PTPRT: variants seen among roughly 807,000 people sequenced by gnomAD.
PTPRT encodes the protein protein tyrosine phosphatase receptor type T.
In PTPRT, 56 loss-of-function variants were observed where a neutral mutation model predicts 176.8. The ratio of observed to expected loss-of-function variants is 0.32; its 90% CI spans 0.26 to 0.40. PTPRT has a LOEUF of 0.40. PTPRT is among the 10% of genes least tolerant of loss of function. PTPRT has a pLI of 1.00. For synonymous variants in PTPRT, 783 were observed against 739.0 expected, an observed-to-expected ratio of 1.06 and a Z score of -0.96; for missense variants, 1,540 against 1,908.2, an observed-to-expected ratio of 0.81 and a Z score of 3.60.
intron 7 of PTPRT, among the ~76,000 whole-genome samples, chr20:42,476,861 G>A (rs767222498): frequency 6.6e-5 from 10 of 152,182 alleles, no homozygotes; most frequent in Non-Finnish European, 1.2e-4. Flanking sequence ...CCACATGGCC[G>A]AGCCCCCATT....
chr20:43,178,991 C>T (rs952049558), intron 1 of PTPRT, among the ~76,000 whole-genome samples: 1 of 152,280 alleles, frequency 6.6e-6, no homozygotes, highest in South Asian at 2.1e-4. Flanking sequence ...ACAGATACTG[C>T]CTAGACAAGA....
chr20:42,517,282 G>T (rs1006254082), intron 7 of PTPRT, among the ~76,000 whole-genome samples: 3 of 151,426 alleles, frequency 2.0e-5, no homozygotes, highest in African/African-American at 7.3e-5. Context: ...ACTCATTTCA[G>T]GTTAATTCTT....
At chr20:42,449,164 C>G (rs2070783409) in intron 8 of PTPRT, among the ~76,000 whole-genome samples, 1 of 152,172 alleles carries the variant, frequency 6.6e-6, no homozygotes, top group African/African-American at 2.4e-5. Context: ...AAGAAGCTCG[C>G]CTTGCTCCAA....
At chr20:42,618,601 T>C (rs2074126672) in intron 7 of PTPRT, among the ~76,000 whole-genome samples, 1 of 128,790 alleles carries the variant, frequency 7.8e-6, no homozygotes, top group Admixed American at 7.4e-5. Context: ...CACTCAGGAC[T>C]TGCTTTATGA....
intron 5 of PTPRT, 57 bp from the exon 6 acceptor site, chr20:42,756,693 T>C: frequency 5.6e-6 from 8 of 1,426,080 alleles, no homozygotes; most frequent in Non-Finnish European, 7.6e-6. Context: ...GGCTTCTAGG[T>C]GACTCCCAAC....
chr20:42,481,777 AACACACACACAC>A (rs11468323), intron 7 of PTPRT, among the ~76,000 whole-genome samples: 7 of 144,596 alleles, frequency 4.8e-5, no homozygotes, highest in African/African-American at 1.5e-4. Context: ...TACACACACA[AACACACACACAC>A]ACACACACAC....
At chr20:43,153,733 T>C (rs2014434542) in intron 1 of PTPRT, among the ~76,000 whole-genome samples, 1 of 152,316 alleles carries the variant, frequency 6.6e-6, no homozygotes, top group South Asian at 2.1e-4. Context: ...TGGTTCTGTT[T>C]ATGGGAGGAG....
At chr20:42,940,269 G>C (rs1173595826) in intron 1 of PTPRT, among the ~76,000 whole-genome samples, 3 of 152,144 alleles carry the variant, frequency 2.0e-5, no homozygotes, top group African/African-American at 7.2e-5. Context: ...ATACTTTACT[G>C]GCTCTGGACC....
intron 5 of PTPRT, among the ~76,000 whole-genome samples, chr20:42,761,664 G>A (rs2076917605): frequency 6.6e-6 from 1 of 152,164 alleles, no homozygotes; most frequent in East Asian, 1.9e-4. Context: ...ATGGCTTTTA[G>A]TAGTACTTCT....
intron 1 of PTPRT, among the ~76,000 whole-genome samples, chr20:42,908,583 G>T (rs1340974350): frequency 6.6e-6 from 1 of 152,058 alleles, no homozygotes; most frequent in African/African-American, 2.4e-5. Context: ...AGAAACTTCA[G>T]TGTCCCCTCT....
At chr20:42,844,447 A>G (rs2078333321) in intron 2 of PTPRT, among the ~76,000 whole-genome samples, 1 of 152,220 alleles carries the variant, frequency 6.6e-6, no homozygotes, top group Non-Finnish European at 1.5e-5. Context: ...TATGAGAGTC[A>G]TAGTCCTTGC....
intron 2 of PTPRT, among the ~76,000 whole-genome samples, chr20:42,843,147 C>T (rs1250354509): frequency 6.6e-6 from 1 of 152,178 alleles, no homozygotes; most frequent in Non-Finnish European, 1.5e-5. Context: ...AAAAACTCCA[C>T]AATTAAGATT....
intron 5 of PTPRT, among the ~76,000 whole-genome samples, chr20:42,771,156 G>T (rs746508140): frequency 6.6e-6 from 1 of 152,048 alleles, no homozygotes; most frequent in Non-Finnish European, 1.5e-5. Flanking sequence ...GACACATCCC[G>T]CCAGACAAGT....
At chr20:42,838,837 CG>C (rs1257615757) in intron 2 of PTPRT, among the ~76,000 whole-genome samples, 1 of 152,172 alleles carries the variant, frequency 6.6e-6, no homozygotes. Context: ...CCCGCCCAGC[CG>C]TGTCCCCCGC....
intron 9 of PTPRT, among the ~76,000 whole-genome samples, chr20:42,434,821 C>G (rs1290038677): frequency 6.6e-6 from 1 of 150,632 alleles, no homozygotes; most frequent in Non-Finnish European, 1.5e-5. Context: ...AAAAAATAGC[C>G]AAGCATGGTG....
chr20:42,716,967 A>G (rs1448152106), intron 6 of PTPRT, among the ~76,000 whole-genome samples: 1 of 149,968 alleles, frequency 6.7e-6, no homozygotes, highest in Non-Finnish European at 1.5e-5. Flanking sequence ...GTTCTCACTC[A>G]TAGGTGGGAA....
intron 5 of PTPRT, among the ~76,000 whole-genome samples, chr20:42,757,533 A>G (rs919398442): frequency 1.3e-5 from 2 of 152,222 alleles, no homozygotes; most frequent in African/African-American, 2.4e-5. Context: ...CGTCTTCCGT[A>G]AAAAGCCACG....
intron 7 of PTPRT, among the ~76,000 whole-genome samples, chr20:42,485,839 A>G (rs528954342): frequency 6.6e-6 from 1 of 152,338 alleles, no homozygotes; most frequent in South Asian, 2.1e-4. Flanking sequence ...GAAATGTACA[A>G]GAGTGTCATT....
intron 1 of PTPRT, among the ~76,000 whole-genome samples, chr20:42,898,112 T>C (rs1313846804): frequency 1.3e-5 from 2 of 152,224 alleles, no homozygotes; most frequent in Non-Finnish European, 2.9e-5. Flanking sequence ...CTGTCACCCC[T>C]TACTACTGTG....
Sources: allele counts gnomAD v4.1 joint callset (sites outside exome capture counted in the v4.1 genomes callset), GRCh38; gene constraint gnomAD v4.1.1; transcripts MANE v1.5; gene names NCBI Gene and HGNC (gene_info 2026-07-23, HGNC 2026-07-21).